The following CLMP variants were observed in gnomAD, a reference collection of about 807,000 sequenced individuals.
CLMP encodes the protein CXADR like cell adhesion molecule, also known as CXADR-like membrane protein.
A neutral mutation model predicts 45.2 loss-of-function variants in CLMP; 27 were observed. The observed-to-expected ratio is 0.60, with a 90% CI of 0.44 to 0.82. CLMP has a LOEUF of 0.82. CLMP is among the 40% of genes least tolerant of loss of function. The pLI, the probability that CLMP is intolerant of heterozygous loss-of-function variation, is 0.00. For synonymous variants in CLMP, 167 were observed against 171.4 expected, an observed-to-expected ratio of 0.97 and a Z score of 0.20; for missense variants, 403 against 448.4, an observed-to-expected ratio of 0.90 and a Z score of 0.91.
chr11:123,082,742 C>T, intron 5 of CLMP, among the ~76,000 whole-genome samples: 1 of 151,814 alleles, frequency 6.6e-6, no homozygotes, highest in Non-Finnish European at 1.5e-5. Context: ...TCCTGAGTAG[C>T]TGAGATTACA....
chr11:123,163,325 T>C (rs912214734), intron 1 of CLMP, among the ~76,000 whole-genome samples: 3 of 152,222 alleles, frequency 2.0e-5, no homozygotes, highest in East Asian at 3.9e-4. Flanking sequence ...AGTCATACTT[T>C]AGAAAGATTA....
chr11:123,191,077 A>G (rs1418881659), intron 1 of CLMP, among the ~76,000 whole-genome samples: 1 of 152,226 alleles, frequency 6.6e-6, no homozygotes, highest in South Asian at 2.1e-4. Context: ...AATTTGATGT[A>G]TACATGTCTT....
intron 1 of CLMP, among the ~76,000 whole-genome samples, chr11:123,155,116 G>T (rs967506193): frequency 7.9e-5 from 12 of 152,164 alleles, no homozygotes; most frequent in Non-Finnish European, 4.4e-5. Flanking sequence ...AGCCTCCTGA[G>T]TAGCTGGGAC....
intron 1 of CLMP, among the ~76,000 whole-genome samples, chr11:123,180,903 C>T (rs926264398): frequency 6.6e-6 from 1 of 152,224 alleles, no homozygotes; most frequent in African/African-American, 2.4e-5. Context: ...AAGCTGGATG[C>T]CTGGAGAGAA....
intron 1 of CLMP, among the ~76,000 whole-genome samples, chr11:123,167,970 G>C (rs545427246): frequency 6.6e-6 from 1 of 152,254 alleles, no homozygotes; most frequent in South Asian, 2.1e-4. Context: ...CAGACAGACA[G>C]ACAGACAGAC....
At chr11:123,172,574 T>G (rs1461641572) in intron 1 of CLMP, among the ~76,000 whole-genome samples, 3 of 152,170 alleles carry the variant, frequency 2.0e-5, no homozygotes, top group Non-Finnish European at 4.4e-5. Flanking sequence ...CTCAACCTCT[T>G]GAGCTCAGGT....
rs1386009499 is a variant in CLMP, at chr11:123,073,711, C to T, written c.885G>A (p.Arg295=). The change falls in exon 7 of 7, where the codon CGG becomes CGA. Residue 295 remains arginine (R), a synonymous_variant. Transcript: ENST00000448775. ...VKPSSSSSGS[R]SSRSGSSSTR... is the part of the protein sequence containing the mutation. ...TGGAGGAAGAACCAGAGCGTGAGCT[C>T]CGAGAGCCTGAGGAAGAGGAGCTGG... 1 of 1,613,938 alleles carries T rather than the reference C, an allele frequency of 6.2e-7. No individual in the cohort carries two copies. Among genetic ancestry groups the T allele is most frequent in the Non-Finnish European group, 8.5e-7 (1 of 1,179,918 alleles).
chr11:123,129,610 T>A (rs952705000), intron 1 of CLMP, among the ~76,000 whole-genome samples: 3 of 140,842 alleles, frequency 2.1e-5, no homozygotes, highest in Admixed American at 7.6e-5. Flanking sequence ...ATAATATATA[T>A]TATATTTATA....
intron 1 of CLMP, among the ~76,000 whole-genome samples, chr11:123,137,177 G>A (rs1591473193): frequency 1.1e-5 from 1 of 92,968 alleles, no homozygotes; most frequent in East Asian, 3.1e-4. Flanking sequence ...TTTTTGAGAT[G>A]GAGTCTCGCT....
chr11:123,084,538 C>T lies in CLMP; in HGVS notation c.362G>A (p.Trp121Ter), dbSNP rs781327868. The stretch of plus-strand genomic sequence containing the variant: ...TAAGACTTTTAAGATGACATGGCTC[C>T]ACACGTAGCGCCCTGAATTCTTAAC... ...CKVKNSGRYVWSHVILKVLVR... is the reference protein window; with the variant it reads ...CKVKNSGRYV Residue 121 changes from tryptophan (W) to a stop codon, truncating the protein, a stop_gained, in exon 3 of 7, where the codon TGG (tryptophan) becomes TAG (stop). Transcript: ENST00000448775. LOFTEE classifies it high-confidence loss of function. 1.2e-6 allele frequency: 2 copies of T among 1,614,120 alleles called. No homozygotes were observed. The highest frequency in any genetic ancestry group is 1.7e-6 in the Non-Finnish European group (2 of 1,179,976).
At chr11:123,158,391 G>A (rs1160305075) in intron 1 of CLMP, among the ~76,000 whole-genome samples, 2 of 152,176 alleles carry the variant, frequency 1.3e-5, no homozygotes, top group Non-Finnish European at 2.9e-5. Flanking sequence ...AACAGTGGTG[G>A]CGAATTCAGG....
At chr11:123,128,459 T>C (rs1019812076) in intron 1 of CLMP, among the ~76,000 whole-genome samples, 2 of 151,940 alleles carry the variant, frequency 1.3e-5, no homozygotes, top group African/African-American at 4.8e-5. Context: ...CCCAGGAGTT[T>C]GAGACCAGCC....
At chr11:123,097,715 A>G (rs1278903521) in intron 2 of CLMP, 80 bp downstream of exon 2, 19 of 1,153,246 alleles carry the variant, frequency 1.6e-5, no homozygotes, top group Admixed American at 2.6e-5. Flanking sequence ...TCAGAGCCAG[A>G]AAGAAAGACT....
At chr11:123,180,642 A>C (rs1179997891) in intron 1 of CLMP, among the ~76,000 whole-genome samples, 1 of 151,558 alleles carries the variant, frequency 6.6e-6, no homozygotes, top group Non-Finnish European at 1.5e-5. Context: ...TAGGGAGAAA[A>C]TATAACAAGG....
intron 1 of CLMP, among the ~76,000 whole-genome samples, chr11:123,118,655 G>A (rs1860749585): frequency 1.3e-5 from 2 of 152,168 alleles, no homozygotes; most frequent in South Asian, 4.1e-4. Context: ...AAAGTGGCAA[G>A]AATAGACCTG....
At chr11:123,119,628 C>T (rs1183932683) in intron 1 of CLMP, among the ~76,000 whole-genome samples, 1 of 152,134 alleles carries the variant, frequency 6.6e-6, no homozygotes, top group African/African-American at 2.4e-5. Context: ...GTAAGTCTGT[C>T]TCACAGTGAC....
chr11:123,184,064 T>A (rs1487589279), intron 1 of CLMP, among the ~76,000 whole-genome samples: 2 of 152,226 alleles, frequency 1.3e-5, no homozygotes, highest in African/African-American at 4.8e-5. Context: ...AACATAGGGA[T>A]AAGCACTTAG....
intron 1 of CLMP, among the ~76,000 whole-genome samples, chr11:123,106,382 GGTGTGTGTGTGTGT>G (rs539659160): frequency 9.6e-5 from 13 of 135,292 alleles, no homozygotes; most frequent in East Asian, 2.3e-4. Flanking sequence ...TTCTGTAGGA[GGTGTGTGTGTGTGT>G]GTGTGTGTGT....
At chr11:123,096,289 G>A (rs1283341659) in intron 2 of CLMP, among the ~76,000 whole-genome samples, 1 of 152,158 alleles carries the variant, frequency 6.6e-6, no homozygotes, top group African/African-American at 2.4e-5. Context: ...AGGAGGCGGA[G>A]GTGGCAGTGA....
Sources: gnomAD v4.1 joint callset for allele counts (sites outside exome capture counted in the v4.1 genomes callset) on GRCh38, gnomAD v4.1.1 for gene constraint, MANE v1.5 for transcripts, NCBI Gene and HGNC (gene_info 2026-07-23, HGNC 2026-07-21) for gene names.